RUVBL1: variants seen among roughly 807,000 people sequenced by gnomAD.
RUVBL1 encodes the protein ruvB-like 1.
Under a neutral mutation model 52.4 loss-of-function variants are expected in RUVBL1, and 4 were observed. The ratio of observed to expected loss-of-function variants is 0.08; its 90% CI spans 0.04 to 0.17. The LOEUF is 0.17. RUVBL1 is among the 10% of genes least tolerant of loss of function. RUVBL1 has a pLI of 1.00. For missense variants in RUVBL1, 298 were observed against 572.8 expected, an observed-to-expected ratio of 0.52 and a Z score of 4.90; for synonymous variants, 217 against 214.4, an observed-to-expected ratio of 1.01 and a Z score of -0.10.
At chr3:128,102,323 G>C (rs1943125017) in intron 4 of RUVBL1, among the ~76,000 whole-genome samples, 1 of 152,232 alleles carries the variant, frequency 6.6e-6, no homozygotes, top group African/African-American at 2.4e-5. Context: ...CAGTGTTTGT[G>C]CCCTTGGGTC....
intron 1 of RUVBL1, among the ~76,000 whole-genome samples, chr3:128,145,322 C>T (rs1435308248): frequency 6.6e-6 from 1 of 152,188 alleles, no homozygotes; most frequent in Admixed American, 6.5e-5. Context: ...CCACAATTTC[C>T]AGCTGGTGGG....
chr3:128,139,140 A>T (rs536211687), intron 1 of RUVBL1, among the ~76,000 whole-genome samples: 1 of 152,316 alleles, frequency 6.6e-6, no homozygotes, highest in East Asian at 1.9e-4. Flanking sequence ...CTGGGCAAAG[A>T]TTTCTTGAGT....
At chr3:128,087,870 A>G in intron 8 of RUVBL1, 62 bp from the exon 9 acceptor site, 2 of 1,185,754 alleles carry the variant, frequency 1.7e-6, no homozygotes, top group Non-Finnish European at 2.5e-6. Flanking sequence ...CGACACTGGA[A>G]ATACAGATCC....
downstream of RUVBL1, among the ~76,000 whole-genome samples, chr3:128,076,952 G>A (rs1018840373): frequency 6.6e-5 from 10 of 152,264 alleles, no homozygotes; most frequent in African/African-American, 2.2e-4. This position sits in a 1 kb window ranked among gnomAD's most constrained non-coding sequence, Gnocchi z 6.8. Context: ...GCTGATCTGC[G>A]TGCTGGCGGC....
chr3:128,093,645 A>G (rs1031822064), intron 8 of RUVBL1, among the ~76,000 whole-genome samples: 1 of 152,204 alleles, frequency 6.6e-6, no homozygotes, highest in Non-Finnish European at 1.5e-5. Flanking sequence ...ATACCTCAAT[A>G]TGAAGAGAAA....
rs1386040626 is a variant in RUVBL1, at chr3:128,081,552, G to A, written c.1212-143C>T. On this transcript the variant is annotated intron_variant, in intron 10 of 10. Transcript: ENST00000322623. This position sits in a 1 kb window ranked among gnomAD's most constrained non-coding sequence, Gnocchi z 4.8. ...CAGCTGCTACGAACACAGAAAAGGG[G>A]AGACAAAGTTGTCACTTCTCAGAGA... 3.6e-6 allele frequency: 3 copies of A among 830,852 alleles called. No individual in the cohort carries two copies. In the East Asian group the frequency reaches 8.1e-5, roughly 22 times the overall value. 51.5% of individuals were successfully genotyped at this position (830,852 alleles called of 1,614,324 possible). A position where few individuals can be genotyped will look rare whatever the true frequency, so the allele number is the denominator to read the frequency against.
chr3:128,107,373 G>C (rs1943268288), intron 3 of RUVBL1, among the ~76,000 whole-genome samples: 1 of 152,336 alleles, frequency 6.6e-6, no homozygotes, highest in South Asian at 2.1e-4. Context: ...CAAATGTGGA[G>C]ACATAAACTA....
At chr3:128,099,316 C>G (rs1057224541) in intron 6 of RUVBL1, among the ~76,000 whole-genome samples, 3 of 152,216 alleles carry the variant, frequency 2.0e-5, no homozygotes, top group Admixed American at 6.5e-5. Flanking sequence ...ATGCCATTCT[C>G]CTTCCTAGAA....
Position 128,067,215 on chromosome 3 carries a change from C to G in RUVBL1, c.940-1995G>C, listed in dbSNP as rs1479958805. On this transcript the variant is annotated intron_variant, in intron 9 of 9. Coordinates refer to the RUVBL1 transcript ENST00000464873. This position sits in a 1 kb window ranked among gnomAD's most constrained non-coding sequence, Gnocchi z 4.1. ...AAGTTGCAGTGGTTTCTATCAGTGTCTTGCTCATGAACAGATATTTCATCC... is the reference window on the plus strand; with the variant it reads ...AAGTTGCAGTGGTTTCTATCAGTGTGTTGCTCATGAACAGATATTTCATCC... 3 of 1,471,116 alleles carry G rather than the reference C, an allele frequency of 2.0e-6. No individual in the cohort carries two copies. The East Asian group carries it at 6.8e-5, about 33-fold the overall frequency. The allele number at this position is 1,471,116 out of a possible 1,614,324, so 91.1% of individuals were successfully genotyped here. A position where few individuals can be genotyped will look rare whatever the true frequency, so the allele number is the denominator to read the frequency against.
chr3:128,137,475 C>T (rs1047199131), intron 1 of RUVBL1, among the ~76,000 whole-genome samples: 1 of 152,060 alleles, frequency 6.6e-6, no homozygotes, highest in African/African-American at 2.4e-5. Flanking sequence ...ATACAACCTG[C>T]CAAGATTGAA....
At chr3:128,077,326 C>G (rs934154784), downstream of RUVBL1, among the ~76,000 whole-genome samples, 1 of 152,194 alleles carries the variant, frequency 6.6e-6, no homozygotes, top group African/African-American at 2.4e-5. Context: ...CCCCCCTGCC[C>G]AGGCCTCCCT....
chr3:128,119,795 C>T (rs776104264), intron 1 of RUVBL1, among the ~76,000 whole-genome samples: 7 of 152,084 alleles, frequency 4.6e-5, no homozygotes, highest in Non-Finnish European at 8.8e-5. Flanking sequence ...AAGAAAACAG[C>T]GAATTCAGAA....
At chr3:128,153,426 G>T (rs1944287217) in exon 1 of RUVBL1, 2 of 1,419,944 alleles carry the variant, frequency 1.4e-6, no homozygotes, top group East Asian at 2.8e-5. Context: ...TTACGGGGGG[G>T]CAACTTAACG....
At chr3:128,123,376 GA>G (rs1312495478) in intron 1 of RUVBL1, among the ~76,000 whole-genome samples, 1 of 152,152 alleles carries the variant, frequency 6.6e-6, no homozygotes, top group Non-Finnish European at 1.5e-5. Flanking sequence ...GCCCCCAGTG[GA>G]TCGTCACTAG....
chr3:128,134,576 C>T (rs1427048291), intron 1 of RUVBL1, among the ~76,000 whole-genome samples: 4 of 150,912 alleles, frequency 2.7e-5, no homozygotes, highest in Non-Finnish European at 5.9e-5. Context: ...CAAGTGAAGC[C>T]AGAAGTTCGA....
chr3:128,064,913 A>G lies in RUVBL1; in HGVS notation c.*299T>C, dbSNP rs1292843602. On this transcript the variant is annotated 3_prime_UTR_variant, in exon 10 of 10. Transcript: ENST00000464873. ...GAAGGTGCTATCATCGCACTTTTCC[A>G]TCTGCTGGCCACACGCACAGACAAG... 3 of 1,612,812 alleles carry G rather than the reference A, an allele frequency of 1.9e-6. No individual in the cohort carries two copies. Among genetic ancestry groups the G allele is most frequent in the Non-Finnish European group, 1.7e-6 (2 of 1,179,336 alleles).
chr3:128,090,320 A>G (rs2107679218), intron 8 of RUVBL1, among the ~76,000 whole-genome samples: 1 of 152,296 alleles, frequency 6.6e-6, no homozygotes, highest in South Asian at 2.1e-4. Context: ...TCACGAGGTC[A>G]GGAGATTGAG....
chr3:128,112,822 A>T, intron 3 of RUVBL1, 66 bp downstream of exon 3: 1 of 1,561,246 alleles, frequency 6.4e-7, no homozygotes, highest in Non-Finnish European at 8.7e-7. Flanking sequence ...TTCACCACAA[A>T]GAGGCTTCGG....
chr3:128,131,943 G>A (rs887048345), intron 1 of RUVBL1, among the ~76,000 whole-genome samples: 11 of 152,274 alleles, frequency 7.2e-5, no homozygotes, highest in African/African-American at 2.6e-4. Flanking sequence ...AAAATCAGGT[G>A]AGCAGTCACA....
Sources: allele counts gnomAD v4.1 joint callset (sites outside exome capture counted in the v4.1 genomes callset), GRCh38; gene constraint gnomAD v4.1.1; non-coding constraint Gnocchi (gnomAD v3.1); transcripts MANE v1.5; gene names NCBI Gene and HGNC (gene_info 2026-07-23, HGNC 2026-07-21).